The following SHANK2 variants were observed in gnomAD, a reference collection of about 807,000 sequenced individuals.
SHANK2 encodes the protein SH3 and multiple ankyrin repeat domains protein 2.
Under a neutral mutation model 133.7 loss-of-function variants are expected in SHANK2, and 43 were observed. That is an observed-to-expected ratio of 0.32 (90% CI 0.25 to 0.41). SHANK2 has a LOEUF of 0.41. SHANK2 is among the 10% of genes least tolerant of loss of function. SHANK2 has a pLI of 1.00. For synonymous variants in SHANK2, 1,017 were observed against 952.8 expected (o/e 1.07, Z -1.24); for missense variants, 1,994 against 2,235.8 (o/e 0.89, Z 2.18).
intron 3 of SHANK2, among the ~76,000 whole-genome samples, chr11:71,133,212 G>A (rs1453739061): frequency 2.0e-5 from 3 of 151,744 alleles, no homozygotes; most frequent in African/African-American, 4.8e-5. Context: ...CTGGGTAGGT[G>A]GGTGGCTGGG....
chr11:70,670,114 C>T (rs759927308), intron 15 of SHANK2, among the ~76,000 whole-genome samples: 28 of 152,072 alleles, frequency 1.8e-4, no homozygotes, highest in Admixed American at 3.3e-4. Context: ...CTGGGTGGTG[C>T]GTTTATTGCC....
intron 14 of SHANK2, among the ~76,000 whole-genome samples, chr11:70,727,821 A>G (rs1783605): frequency 0.42 from 64,245 of 152,072 alleles, 13,623 homozygotes; most frequent in African/African-American, 0.43. Context: ...TGTTCCCCCA[A>G]GACGCTGGAT....
At chr11:70,533,131 T>C (rs1275268408) in intron 17 of SHANK2, among the ~76,000 whole-genome samples, 1 of 152,206 alleles carries the variant, frequency 6.6e-6, no homozygotes, top group Non-Finnish European at 1.5e-5. Flanking sequence ...GGGGTTTCCT[T>C]CTGGGGTGAT....
chr11:70,678,605 T>G (rs985050519), intron 15 of SHANK2, among the ~76,000 whole-genome samples: 2 of 141,444 alleles, frequency 1.4e-5, no homozygotes, highest in Non-Finnish European at 3.0e-5. Context: ...TGCAGTGGTG[T>G]GATCTCAGCT....
intron 2 of SHANK2, among the ~76,000 whole-genome samples, chr11:71,164,479 G>A (rs1431428656): frequency 1.3e-5 from 2 of 152,178 alleles, no homozygotes; most frequent in East Asian, 3.8e-4. Context: ...GTGAGGGGCT[G>A]ACCGCAGGGT....
intron 11 of SHANK2, among the ~76,000 whole-genome samples, chr11:70,868,551 T>C (rs185741543): frequency 1.3e-5 from 2 of 152,268 alleles, no homozygotes; most frequent in Non-Finnish European, 2.9e-5. Flanking sequence ...ACACAGCCTG[T>C]GAAGGGCAGA....
rs112104580 is a variant in SHANK2, at chr11:71,137,500, T to C, written c.207+9620A>G. On this transcript the variant is annotated intron_variant, in intron 3 of 25. Coordinates refer to ENST00000601538, the MANE Select transcript of SHANK2 (RefSeq NM_012309.5). ...CCCCAAAGGAGGCTGCAGCAGGAGA[T>C]GTGACCGTGGATGCTGTGTGAATGG... 2.9e-3 allele frequency among the ~76,000 whole-genome samples: 443 copies of C among 152,046 alleles called. 3 individuals are homozygous for C. Among genetic ancestry groups the C allele is most frequent in the African/African-American group, 9.3e-3 (385 of 41,472 alleles).
chr11:70,677,110 G>A, intron 15 of SHANK2, among the ~76,000 whole-genome samples: 1 of 152,200 alleles, frequency 6.6e-6, no homozygotes, highest in Non-Finnish European at 1.5e-5. Context: ...GGGAGACAGA[G>A]TTTAGGTACA....
intron 6 of SHANK2, among the ~76,000 whole-genome samples, chr11:71,097,523 C>T (rs1254183607): frequency 2.0e-5 from 3 of 152,206 alleles, no homozygotes; most frequent in Non-Finnish European, 4.4e-5. Context: ...GCCCCAGTCT[C>T]CCTCAACGTG....
intron 11 of SHANK2, among the ~76,000 whole-genome samples, chr11:70,865,599 C>T (rs920894844): frequency 9.9e-5 from 15 of 151,968 alleles, no homozygotes; most frequent in Admixed American, 5.2e-4. Flanking sequence ...GTGGGGTGGC[C>T]GGGCAGGCTC....
Position 70,471,634 on chromosome 11 carries a change from G to A in SHANK2, c.*1235C>T, listed in dbSNP as rs1459973552. On this transcript the variant is annotated 3_prime_UTR_variant, in exon 26 of 26. Coordinates refer to ENST00000601538, the MANE Select transcript of SHANK2 (RefSeq NM_012309.5). The surrounding 1 kb of genome is among the most constrained non-coding windows in gnomAD (Gnocchi z 4.1). ...TTCTGTCTATACTCCATACCCACTG[G>A]GTCCTCAAAGAAGCTGTTGTACTGT... is the stretch of plus-strand genomic sequence containing the variant. The A allele has an allele frequency of 1.1e-5, 4 of 380,896 alleles. No individual in the cohort carries two copies. Among genetic ancestry groups the A allele is most frequent in the African/African-American group, 2.1e-5 (1 of 48,416 alleles). 23.6% of individuals were successfully genotyped at this position (380,896 alleles called of 1,614,324 possible).
intron 17 of SHANK2, among the ~76,000 whole-genome samples, chr11:70,536,491 T>G (rs1391651811): frequency 1.3e-5 from 2 of 152,006 alleles, no homozygotes; most frequent in African/African-American, 2.4e-5. Flanking sequence ...TGGCCTCTGG[T>G]GAACCCGAGA....
At chr11:70,915,608 C>T (rs528808178) in intron 10 of SHANK2, among the ~76,000 whole-genome samples, 1 of 152,218 alleles carries the variant, frequency 6.6e-6, no homozygotes, top group South Asian at 2.1e-4. Flanking sequence ...TGCTCAAACT[C>T]CTGAGAATAC....
intron 1 of SHANK2, among the ~76,000 whole-genome samples, chr11:71,227,573 G>A (rs1954661244): frequency 6.6e-6 from 1 of 151,338 alleles, no homozygotes; most frequent in African/African-American, 2.4e-5. Flanking sequence ...AGCAAAAATG[G>A]ATAGAACTGA....
intron 18 of SHANK2, 66 bp downstream of exon 18, chr11:70,502,730 T>TGGGGGGGGGGGGGGGGGGGGGGGG: frequency 3.9e-6 from 3 of 772,452 alleles, no homozygotes; most frequent in East Asian, 5.3e-5. Context: ...CCAGCTGTCC[T>TGGGGGGGGGGGGGGGGGGGGGGGG]GCCCGCCCCC....
chr11:71,210,766 T>C (rs1258564292), intron 2 of SHANK2, among the ~76,000 whole-genome samples: 3 of 152,032 alleles, frequency 2.0e-5, no homozygotes, highest in Non-Finnish European at 2.9e-5. Flanking sequence ...GAGAGCACCA[T>C]TGTCCTAAAT....
intron 11 of SHANK2, among the ~76,000 whole-genome samples, chr11:70,894,006 T>C (rs957823909): frequency 6.6e-6 from 1 of 152,220 alleles, no homozygotes; most frequent in Non-Finnish European, 1.5e-5. Flanking sequence ...GCCCAACAAA[T>C]GGGCATTCCT....
chr11:70,841,316 G>A (rs1256144360), intron 11 of SHANK2, among the ~76,000 whole-genome samples: 3 of 152,174 alleles, frequency 2.0e-5, no homozygotes, highest in African/African-American at 7.2e-5. Context: ...GGCAGTGGCA[G>A]CAGGTGATGC....
chr11:70,926,051 T>A (rs1419794741), intron 10 of SHANK2, among the ~76,000 whole-genome samples: 2 of 152,062 alleles, frequency 1.3e-5, no homozygotes, highest in Non-Finnish European at 2.9e-5. Context: ...GGCAGGTGGA[T>A]TGCTTGAACC....
Sources: gnomAD v4.1 joint callset for allele counts (sites outside exome capture counted in the v4.1 genomes callset) on GRCh38, gnomAD v4.1.1 for gene constraint, Gnocchi (gnomAD v3.1) non-coding constraint, MANE v1.5 for transcripts, NCBI Gene and HGNC (gene_info 2026-07-23, HGNC 2026-07-21) for gene names.